ARHGAP17: variants seen among roughly 807,000 people sequenced by gnomAD.
ARHGAP17 encodes Rho GTPase activating protein 17, also known as rho GTPase-activating protein 17.
A neutral mutation model predicts 99.5 loss-of-function variants in ARHGAP17; 57 were observed. The ratio of observed to expected loss-of-function variants is 0.57; its 90% confidence interval spans 0.46 to 0.71. The LOEUF is 0.71. Ranked by LOEUF, ARHGAP17 falls within the 30% of genes least tolerant of loss-of-function variation. The pLI is 0.00. For synonymous variants in ARHGAP17, 417 were observed against 429.6 expected (o/e 0.97, Z 0.36); for missense variants, 1,000 against 1,122.4 (o/e 0.89, Z 1.56).
intron 19 of ARHGAP17, among the ~76,000 whole-genome samples, chr16:24,930,003 T>C (rs1360152659): frequency 6.6e-6 from 1 of 152,180 alleles, no homozygotes; most frequent in Non-Finnish European, 1.5e-5. Flanking sequence ...AAAAACACAC[T>C]AGAAACCCCC....
intron 3 of ARHGAP17, chr16:24,972,644 T>C (rs1001953213): frequency 6.6e-6 from 1 of 152,116 alleles, no homozygotes; most frequent in Admixed American, 6.5e-5. Context: ...CTATTAAAGA[T>C]CAATGCAATA....
chr16:24,927,625 C>T (rs1279682773), intron 19 of ARHGAP17: 2 of 958,332 alleles, frequency 2.1e-6, no homozygotes, highest in Admixed American at 3.5e-5. Context: ...GGCATGAGTG[C>T]ACAAATATGA....
intron 19 of ARHGAP17, among the ~76,000 whole-genome samples, chr16:24,923,942 G>T (rs1179444931): frequency 2.0e-5 from 3 of 152,070 alleles, no homozygotes; most frequent in African/African-American, 4.8e-5. Context: ...GGTTCTAGAA[G>T]ATTTACTTAT....
intron 1 of ARHGAP17, among the ~76,000 whole-genome samples, chr16:24,990,309 A>C (rs2053000004): frequency 1.3e-5 from 2 of 152,100 alleles, no homozygotes; most frequent in Admixed American, 6.6e-5. Flanking sequence ...AGACAGGGAC[A>C]CCTCCATCTA....
chr16:24,931,374 T>C lies in ARHGAP17; in HGVS notation c.1925A>G (p.Lys642Arg). The change falls in exon 19 of 20, where the codon AAA becomes AGA. Residue 642 changes from lysine (K) to arginine (R), a missense_variant. Physicochemically the swap from Lys to Arg is conservative, Grantham distance 26. This residue lies in a region of ARHGAP17 where 528 missense variants were observed against 511.4 expected (regional missense o/e 1.03). Coordinates refer to ENST00000289968, the MANE Select transcript of ARHGAP17 (RefSeq NM_001006634.3). Reference protein sequence around the residue: ...AVKKPAPAPPKPGNPPPGHPG... With the variant: ...AVKKPAPAPPRPGNPPPGHPG... ...GTGGCCAGGAGGTGGGTTGCCCGGT[T>C]TCGGGGGTGCTGGAGCGGGTTTTTT... 6.6e-7 allele frequency: 1 copy of C among 1,513,100 alleles called. No individual in the cohort carries two copies. The highest frequency in any genetic ancestry group is 8.8e-7 in the Non-Finnish European group (1 of 1,134,032). The allele number at this position is 1,513,100 out of a possible 1,614,324, so 93.7% of individuals were successfully genotyped here.
chr16:25,002,369 C>T (rs2053384952), intron 1 of ARHGAP17, among the ~76,000 whole-genome samples: 1 of 152,156 alleles, frequency 6.6e-6, no homozygotes, highest in African/African-American at 2.4e-5. Flanking sequence ...TGTCTTAGCC[C>T]TGCCGTCATC....
At chr16:24,952,560 T>G (rs1483838818) in intron 11 of ARHGAP17, among the ~76,000 whole-genome samples, 190 bp from the exon 12 acceptor site, 2 of 151,862 alleles carry the variant, frequency 1.3e-5, no homozygotes, top group East Asian at 3.9e-4. Flanking sequence ...AAAAAAAAAG[T>G]TTTAAGAGAT....
At chr16:24,945,814 G>A (rs2051455799) in intron 14 of ARHGAP17, among the ~76,000 whole-genome samples, 1 of 152,248 alleles carries the variant, frequency 6.6e-6, no homozygotes, top group Admixed American at 6.5e-5. Flanking sequence ...TTTTAGGAGA[G>A]TACTGGAAAG....
chr16:24,932,571 G>A (rs1374016139), intron 18 of ARHGAP17, among the ~76,000 whole-genome samples: 1 of 152,066 alleles, frequency 6.6e-6, no homozygotes, highest in African/African-American at 2.4e-5. Flanking sequence ...TGATTGGTTT[G>A]ATTGGTCTTA....
chr16:24,966,726 G>A (rs894721754), intron 6 of ARHGAP17, among the ~76,000 whole-genome samples: 66 of 152,248 alleles, frequency 4.3e-4, no homozygotes, highest in Non-Finnish European at 8.5e-4. Context: ...TGAGGTTGCA[G>A]TGAGCTATGA....
intron 1 of ARHGAP17, among the ~76,000 whole-genome samples, chr16:25,004,964 G>A (rs1367226488): frequency 6.6e-6 from 1 of 152,220 alleles, no homozygotes; most frequent in Non-Finnish European, 1.5e-5. Flanking sequence ...GCCCAGGCTG[G>A]AGTGCAGTGG....
chr16:25,015,142 CG>C, intron 1 of ARHGAP17, 66 bp downstream of exon 1: 2 of 1,200,566 alleles, frequency 1.7e-6, no homozygotes, highest in African/African-American at 1.7e-5. Context: ...GGAGCCGTCC[CG>C]CCCCCGCGCC....
chr16:24,934,572 GC>G (rs2051083358), intron 18 of ARHGAP17, among the ~76,000 whole-genome samples: 1 of 152,176 alleles, frequency 6.6e-6, no homozygotes, highest in African/African-American at 2.4e-5. Flanking sequence ...TCCTGCCTCA[GC>G]CTCCTGAGTA....
At chr16:24,992,547 G>T (rs952987825) in intron 1 of ARHGAP17, among the ~76,000 whole-genome samples, 1 of 152,044 alleles carries the variant, frequency 6.6e-6, no homozygotes, top group Non-Finnish European at 1.5e-5. Flanking sequence ...TGTTGGCCAG[G>T]ATGGTCTCGA....
chr16:24,939,157 C>A (rs1460790801), intron 17 of ARHGAP17, among the ~76,000 whole-genome samples: 2 of 152,204 alleles, frequency 1.3e-5, no homozygotes, highest in African/African-American at 4.8e-5. Flanking sequence ...GAATGCAAAC[C>A]AATGTTGCTT....
At position 24,930,781 on chromosome 16, in the gene ARHGAP17, T is replaced by C. The variant is rs1468181271; in HGVS notation, c.2515+3A>G. The C allele has an allele frequency of 2.5e-6, 4 of 1,614,214 alleles. No homozygotes were observed. The highest frequency in any genetic ancestry group is 1.6e-4 in the Middle Eastern group (1 of 6,062). On this transcript the variant is annotated splice_donor_region_variant and intron_variant, in intron 19 of 19. Transcript: ENST00000289968. ...GAAATACGGGCATTGATGTCCTACTTACCTGTTACTATCTTGGAAGCTGTT... is the reference window on the plus strand; with the variant it reads ...GAAATACGGGCATTGATGTCCTACTCACCTGTTACTATCTTGGAAGCTGTT...
intron 6 of ARHGAP17, among the ~76,000 whole-genome samples, chr16:24,966,965 T>C (rs938444511): frequency 1.6e-4 from 25 of 152,222 alleles, no homozygotes; most frequent in Admixed American, 1.4e-3. Flanking sequence ...CCAAGTCACA[T>C]GGAAAGGCCT....
At chr16:24,978,666 G>T (rs2052586148) in intron 2 of ARHGAP17, among the ~76,000 whole-genome samples, 1 of 152,070 alleles carries the variant, frequency 6.6e-6, no homozygotes, top group South Asian at 2.1e-4. Flanking sequence ...AGGTGGATAA[G>T]GCCTTTCCCT....
intron 2 of ARHGAP17, 122 bp downstream of exon 2, chr16:24,978,844 T>C: frequency 2.9e-6 from 2 of 701,196 alleles, no homozygotes; most frequent in East Asian, 3.5e-5. Flanking sequence ...ATCACACTAA[T>C]TAATTTTATT....
Sources: allele counts gnomAD v4.1 joint callset (sites outside exome capture counted in the v4.1 genomes callset), GRCh38; gene constraint gnomAD v4.1.1; regional missense constraint gnomAD v4.1.1; transcripts MANE v1.5; gene names NCBI Gene and HGNC (gene_info 2026-07-23, HGNC 2026-07-21).